Variants in TJP2 observed in about 807,000 individuals in gnomAD.
TJP2 encodes the protein tight junction protein 2.
Under a neutral mutation model 133.1 loss-of-function variants are expected in TJP2, and 91 were observed. That is an observed-to-expected ratio of 0.68 (90% CI 0.58 to 0.81). The LOEUF (loss-of-function observed/expected upper bound fraction) is 0.81, where lower values mean the gene tolerates loss of function less well. TJP2 is among the 40% of genes least tolerant of loss of function. TJP2 has a pLI of 0.00. For missense variants in TJP2, 1,541 were observed against 1,565.6 expected (o/e 0.98, Z 0.26); for synonymous variants, 592 against 583.4 (o/e 1.01, Z -0.21).
At chr9:69,156,132 A>C (rs2133365396) in intron 2 of TJP2, among the ~76,000 whole-genome samples, 1 of 152,338 alleles carries the variant, frequency 6.6e-6, no homozygotes, top group African/African-American at 2.4e-5. Flanking sequence ...TGGGAGGCCC[A>C]GGCTGGAAGA....
intron 1 of TJP2, 29 bp from the exon 2 acceptor site, chr9:69,212,519 A>T: frequency 6.3e-7 from 1 of 1,580,084 alleles, no homozygotes; most frequent in Non-Finnish European, 8.7e-7. Flanking sequence ...TGTGGTTTTC[A>T]TCAGATTGGT....
At chr9:69,145,540 T>G in intron 1 of TJP2, 1 of 394,934 alleles carries the variant, frequency 2.5e-6, no homozygotes, top group Non-Finnish European at 4.4e-6. Context: ...GACGTTCTCT[T>G]TATTTGTGGT....
At chr9:69,229,951 A>C in intron 10 of TJP2, 131 bp from the exon 11 acceptor site, 1 of 1,229,722 alleles carries the variant, frequency 8.1e-7, no homozygotes, top group Non-Finnish European at 1.2e-6. Context: ...ATAGATGAGA[A>C]AAATGAGAGG....
chr9:69,157,069 T>C (rs1430685293), intron 2 of TJP2, among the ~76,000 whole-genome samples: 1 of 152,204 alleles, frequency 6.6e-6, no homozygotes, highest in Non-Finnish European at 1.5e-5. Flanking sequence ...CAACCCCCAC[T>C]TCCCTTCATG....
At chr9:69,215,428 C>T (rs1828290996) in intron 2 of TJP2, among the ~76,000 whole-genome samples, 1 of 151,536 alleles carries the variant, frequency 6.6e-6, no homozygotes, top group Non-Finnish European at 1.5e-5. Flanking sequence ...CTCCATTTGC[C>T]CAATTTAAAG....
chr9:69,134,431 C>G (rs888079842), intron 1 of TJP2, among the ~76,000 whole-genome samples: 1 of 152,160 alleles, frequency 6.6e-6, no homozygotes, highest in African/African-American at 2.4e-5. Flanking sequence ...TGTTGATACC[C>G]TGGGCAATGT....
At chr9:69,148,011 GC>G (rs1823291252) in intron 1 of TJP2, among the ~76,000 whole-genome samples, 2 of 150,760 alleles carry the variant, frequency 1.3e-5, no homozygotes, top group South Asian at 4.2e-4. Flanking sequence ...TGCAACCTCC[GC>G]CTCCCGGGTT....
chr9:69,195,192 T>A (rs1270945905), intron 1 of TJP2, among the ~76,000 whole-genome samples: 1 of 152,222 alleles, frequency 6.6e-6, no homozygotes, highest in Non-Finnish European at 1.5e-5. Flanking sequence ...GTGGTTTGTA[T>A]GTATGTTTGT....
At position 69,179,864 on chromosome 9, in the gene TJP2, C is replaced by G. The variant is rs112226034; in HGVS notation, c.60+5432C>G. ...TTGTGTTTTAGTAAGTTAGGCTGAC[C>G]AAAAGATTTCGAATCATACCTTTAA... is the stretch of plus-strand genomic sequence containing the variant. On this transcript the variant is annotated intron_variant, in intron 1 of 22. Transcript: ENST00000377245. Among the ~76,000 whole-genome samples the G allele has an allele frequency of 2.9e-3, 434 of 152,238 alleles. 5 individuals are homozygous for G. The highest frequency in any genetic ancestry group is 0.01 in the African/African-American group (425 of 41,538).
chr9:69,248,328 G>T (rs771038746), intron 19 of TJP2, 104 bp downstream of exon 19: 2 of 1,472,038 alleles, frequency 1.4e-6, no homozygotes, highest in Admixed American at 2.5e-5. Context: ...CATTCCTAAG[G>T]GTTGGAGCAG....
intron 1 of TJP2, among the ~76,000 whole-genome samples, chr9:69,182,788 CTTTT>C (rs35602682): frequency 7.7e-6 from 1 of 129,418 alleles, no homozygotes. Flanking sequence ...TGATGAATTT[CTTTT>C]TTTTTTTTTT....
intron 1 of TJP2, among the ~76,000 whole-genome samples, chr9:69,180,003 A>G (rs10217120): frequency 0.42 from 64,032 of 151,964 alleles, 13,817 homozygotes; most frequent in East Asian, 0.63. Flanking sequence ...TATTATTTCT[A>G]TTGTAGACTT....
intron 1 of TJP2, among the ~76,000 whole-genome samples, chr9:69,184,565 G>C (rs1825721767): frequency 6.6e-6 from 1 of 152,194 alleles, no homozygotes; most frequent in Non-Finnish European, 1.5e-5. Context: ...GTAGAACCCT[G>C]TTGGCAAGAG....
At chr9:69,194,633 G>A (rs936082895) in intron 1 of TJP2, among the ~76,000 whole-genome samples, 5 of 152,296 alleles carry the variant, frequency 3.3e-5, no homozygotes, top group African/African-American at 1.2e-4. Flanking sequence ...ATAGAACATC[G>A]TCACCATGGT....
At chr9:69,218,829 C>T (rs770389470) in intron 4 of TJP2, among the ~76,000 whole-genome samples, 1 of 152,172 alleles carries the variant, frequency 6.6e-6, no homozygotes, top group Non-Finnish European at 1.5e-5. Flanking sequence ...TGCCATTAGG[C>T]CCTGGGGCCA....
rs1829326094 is a variant in TJP2 at position 69,226,099 on chromosome 9, G to A, written c.1134G>A (p.Gln378=). 1 of 1,614,036 alleles carries A rather than the reference G, an allele frequency of 6.2e-7. No individual in the cohort carries two copies. Among genetic ancestry groups the A allele is most frequent in the Admixed American group, 1.7e-5 (1 of 60,004 alleles). The change falls in exon 7 of 23, where the codon CAG becomes CAA. Residue 378 remains glutamine, a synonymous_variant. Transcript: ENST00000377245. ...KLIEKSRGKL[Q]LVVLRDSQQT... ...TAGAAAAGTCAAGAGGAAAACTACA[G>A]CTAGTGGTGTTGAGAGACAGCCAGC...
chr9:69,239,968 A>C lies in TJP2; in HGVS notation c.2387A>C (p.Lys796Thr), dbSNP rs1350694972. 3.7e-6 allele frequency: 6 copies of C among 1,614,182 alleles called. No homozygotes were observed. In the South Asian group the frequency reaches 6.6e-5, roughly 18 times the overall value. The change falls in exon 17 of 23, where the codon AAA (lysine) becomes ACA (threonine). Residue 796 changes from lysine to threonine, a missense_variant. Physicochemically the swap from Lys to Thr is moderately conservative, Grantham distance 78. Transcript: ENST00000377245. Reference sequence around the variant, plus strand: ...CATGCACTACTGGATGTGACTCCGAAAGCTGTGGACCTGTTGAATTACACC... The same window carrying C: ...CATGCACTACTGGATGTGACTCCGACAGCTGTGGACCTGTTGAATTACACC... Reference protein sequence around the residue: ...DKHALLDVTPKAVDLLNYTQW... With the variant: ...DKHALLDVTPTAVDLLNYTQW...
chr9:69,139,849 C>T (rs1437248220), intron 1 of TJP2, among the ~76,000 whole-genome samples: 2 of 152,180 alleles, frequency 1.3e-5, no homozygotes, highest in African/African-American at 4.8e-5. Flanking sequence ...GACAAAGTTC[C>T]TCCATAGGGC....
chr9:69,132,574 T>C (rs1485018326), intron 1 of TJP2, among the ~76,000 whole-genome samples: 2 of 151,954 alleles, frequency 1.3e-5, no homozygotes, highest in Non-Finnish European at 1.5e-5. Context: ...TAGAGAAGGG[T>C]GGAAAAGAGT....
Sources: allele counts gnomAD v4.1 joint callset (sites outside exome capture counted in the v4.1 genomes callset), GRCh38; gene constraint gnomAD v4.1.1; transcripts MANE v1.5; gene names NCBI Gene and HGNC (gene_info 2026-07-23, HGNC 2026-07-21).